VCP: variants seen among roughly 807,000 people sequenced by gnomAD.
VCP encodes valosin containing protein, also known as transitional endoplasmic reticulum ATPase.
In VCP, 6 loss-of-function variants were observed where a neutral mutation model predicts 85.7. That is an observed-to-expected ratio of 0.07 (90% CI 0.04 to 0.14). The LOEUF is 0.14. VCP is among the 10% of genes least tolerant of loss of function. The pLI, the probability that VCP is intolerant of heterozygous loss-of-function variation, is 1.00. For missense variants in VCP, 353 were observed against 1,043.4 expected, an observed-to-expected ratio of 0.34 and a Z score of 9.12; for synonymous variants, 384 against 367.1, an observed-to-expected ratio of 1.05 and a Z score of -0.53.
At position 35,059,808 on chromosome 9, in the gene VCP, G is replaced by A. The variant is rs1554668202; in HGVS notation, c.1696-7C>T. ...AGGGGGCAGCTTGGCGGGCCTGTAG[G>A]AGGAATGGATTGATTCAAGCACTAA... On this transcript the variant is annotated splice_polypyrimidine_tract_variant and splice_region_variant and intron_variant, in intron 13 of 16. Transcript: ENST00000358901. The surrounding 1 kb of genome is among the most constrained non-coding windows in gnomAD (Gnocchi z 4.9). The A allele has an allele frequency of 6.2e-7, 1 of 1,614,108 alleles. No homozygotes were observed. Among genetic ancestry groups the A allele is most frequent in the Middle Eastern group, 1.6e-4 (1 of 6,062 alleles).
intron 5 of VCP, among the ~76,000 whole-genome samples, chr9:35,064,925 T>C (rs893323447): frequency 8.5e-5 from 13 of 152,200 alleles, no homozygotes; most frequent in African/African-American, 2.9e-4. Flanking sequence ...TGGAGTGCAG[T>C]GGCACAATCT....
intron 7 of VCP, among the ~76,000 whole-genome samples, chr9:35,062,673 T>C (rs1246982872): frequency 6.6e-6 from 1 of 152,114 alleles, no homozygotes; most frequent in Non-Finnish European, 1.5e-5. Flanking sequence ...GAGCCAGTGA[T>C]CAAAGTTCAT....
intron 3 of VCP, 23 bp from the exon 4 acceptor site, chr9:35,066,840 A>T: frequency 6.2e-7 from 1 of 1,613,892 alleles, no homozygotes; most frequent in Non-Finnish European, 8.5e-7. Context: ...AGCAGACTCC[A>T]TATTACCAAC....
At position 35,072,459 on chromosome 9, in the gene VCP, C is replaced by T; in HGVS notation, c.-106G>A. ...GGGCTCGGCTCTTCCAGGCGGTGGG[C>T]GAGCAGCGGCGACAAACCCGCAAGC... is the stretch of plus-strand genomic sequence containing the variant. On this transcript the variant is annotated 5_prime_UTR_variant, in exon 1 of 17. Coordinates refer to ENST00000358901, the MANE Select transcript of VCP (RefSeq NM_007126.5). 7.5e-7 allele frequency: 1 copy of T among 1,329,288 alleles called. No individual in the cohort carries two copies. Among genetic ancestry groups the T allele is most frequent in the Non-Finnish European group, 9.7e-7 (1 of 1,031,498 alleles). 82.3% of individuals were successfully genotyped at this position (1,329,288 alleles called of 1,614,324 possible). A position where few individuals can be genotyped will look rare whatever the true frequency, so the allele number is the denominator to read the frequency against.
rs140913250 is a variant in VCP at position 35,068,301 on chromosome 9, T to C, written c.79A>G (p.Ile27Val). 612 of 1,614,196 alleles carry C rather than the reference T, an allele frequency of 3.8e-4. No homozygotes were observed. Among genetic ancestry groups the C allele is most frequent in the African/African-American group, 3.6e-3 (268 of 75,048 alleles). The change falls in exon 2 of 17, where the codon ATT becomes GTT. Residue 27 changes from isoleucine to valine, a missense_variant. Around this residue, in one of 8 missense-constraint regions of VCP, gnomAD observed 69 missense variants for 132.9 expected, o/e 0.52. Transcript: ENST00000358901. ...TCCTCATTGATGGCTTCATCAACAATTAACCGATTGGGACGGTTCTTCTGT... is the reference window on the plus strand; with the variant it reads ...TCCTCATTGATGGCTTCATCAACAACTAACCGATTGGGACGGTTCTTCTGT... Reference protein sequence around the residue: ...LKQKNRPNRLIVDEAINEDNS... With the variant: ...LKQKNRPNRLVVDEAINEDNS...
rs1365481436 is a variant in VCP, at chr9:35,065,504, C to T, written c.446-123G>A. The T allele has an allele frequency of 3.0e-6, 4 of 1,316,182 alleles. No homozygotes were observed. In the East Asian group the frequency reaches 9.9e-5, roughly 33 times the overall value. 81.5% of individuals were successfully genotyped at this position (1,316,182 alleles called of 1,614,324 possible). ...ATAGTGCCCTTCATTAGATATTGCC[C>T]TACCTCTCCCCAACTCCACCCCACC... is the stretch of plus-strand genomic sequence containing the variant. On this transcript the variant is annotated intron_variant, in intron 4 of 16. Coordinates refer to ENST00000358901, the MANE Select transcript of VCP (RefSeq NM_007126.5).
Position 35,056,176 on chromosome 9 carries a change from AAG to A in VCP, c.*939_*940del, listed in dbSNP as rs1828600206. 6.6e-6 allele frequency: 1 copy of A among 152,202 alleles called. No homozygotes were observed. Among genetic ancestry groups the A allele is most frequent in the Non-Finnish European group, 1.5e-5 (1 of 68,032 alleles). The allele number at this position is 152,202 out of a possible 1,614,324, so 9.4% of individuals were successfully genotyped here. A position where few individuals can be genotyped will look rare whatever the true frequency, so the allele number is the denominator to read the frequency against. On this transcript the variant is annotated 3_prime_UTR_variant, in exon 17 of 17. Transcript: ENST00000358901. ...TGTTTGGGATTTTTAGATGCATTAAAAGAGAGTATAGAGAATATCCACCTGCA... is the reference window on the plus strand; with the variant it reads ...TGTTTGGGATTTTTAGATGCATTAAAAGAGTATAGAGAATATCCACCTGCA...
intron 1 of VCP, 36 bp downstream of exon 1, chr9:35,072,301 G>A (rs1232668430): frequency 6.7e-7 from 1 of 1,482,024 alleles, no homozygotes. Context: ...CCCGGTGCGC[G>A]CCGCCGCAGC....
In VCP at chr9:35,068,293, A is replaced by G. The variant is rs1828873065; in HGVS notation, c.87T>C (p.Asp29=). Reference sequence around the variant, plus strand: ...CACTGTTGTCCTCATTGATGGCTTCATCAACAATTAACCGATTGGGACGGT... The same window carrying G: ...CACTGTTGTCCTCATTGATGGCTTCGTCAACAATTAACCGATTGGGACGGT... ...QKNRPNRLIV[D]EAINEDNSVV... Residue 29 remains aspartate (D), a synonymous_variant, in exon 2 of 17, where the codon GAT becomes GAC. Transcript: ENST00000358901. The G allele has an allele frequency of 6.2e-7, 1 of 1,614,130 alleles. No homozygotes were observed. The highest frequency in any genetic ancestry group is 1.3e-5 in the African/African-American group (1 of 74,942).
intron 7 of VCP, 40 bp from the exon 8 acceptor site, chr9:35,062,390 T>A: frequency 3.7e-6 from 6 of 1,613,662 alleles, no homozygotes; most frequent in Non-Finnish European, 5.1e-6. Context: ...AAAATGATAG[T>A]CTTTCCCAAT....
chr9:35,062,191 C>A, intron 8 of VCP, 26 bp downstream of exon 8: 2 of 1,614,150 alleles, frequency 1.2e-6, no homozygotes, highest in Non-Finnish European at 1.7e-6. Flanking sequence ...TTCAACCCCC[C>A]TCTATCCCCT....
chr9:35,065,131 G>T, intron 5 of VCP, 120 bp downstream of exon 5: 2 of 1,447,476 alleles, frequency 1.4e-6, no homozygotes, highest in Non-Finnish European at 1.9e-6. Context: ...GTCTCCCAAA[G>T]TACTGGGATT....
chr9:35,066,587 A>AG (rs1828837351), intron 4 of VCP, 88 bp downstream of exon 4: 1 of 1,510,034 alleles, frequency 6.6e-7, no homozygotes, highest in Non-Finnish European at 8.9e-7. Context: ...AGATTTAAAA[A>AG]AAAAAAAAGA....
chr9:35,070,397 A>C (rs189188937), intron 1 of VCP, among the ~76,000 whole-genome samples: 135 of 152,248 alleles, frequency 8.9e-4, no homozygotes, highest in African/African-American at 3.2e-3. Context: ...TAGAACTGGG[A>C]CTGGAGAAAA....
rs370700002 is a variant in VCP, at chr9:35,065,385, C to T, written c.446-4G>A. ...CCACGGACAAGAAAAATGTCTCCTG[C>T]GAGAGCAAACAGTACAAGCACAGTT... On this transcript the variant is annotated splice_region_variant and splice_polypyrimidine_tract_variant and intron_variant, in intron 4 of 16. Transcript: ENST00000358901. 1.1e-5 allele frequency: 18 copies of T among 1,613,926 alleles called. No individual in the cohort carries two copies. Among genetic ancestry groups the T allele is most frequent in the Admixed American group, 1.7e-5 (1 of 59,992 alleles).
rs957848997 is a variant in VCP, at chr9:35,072,254, C to G, written c.17+83G>C. On this transcript the variant is annotated intron_variant, in intron 1 of 16. Coordinates refer to ENST00000358901, the MANE Select transcript of VCP (RefSeq NM_007126.5). ...GGTCTCCACCTCTCTGACGCGCCCA[C>G]GGCCAGGCCCCGCCGGGCCTACCCT... 2.7e-6 allele frequency: 4 copies of G among 1,473,036 alleles called. No individual in the cohort carries two copies. The African/African-American group carries it at 4.4e-5, about 16-fold the overall frequency. The allele number at this position is 1,473,036 out of a possible 1,614,324, so 91.2% of individuals were successfully genotyped here. A position where few individuals can be genotyped will look rare whatever the true frequency, so the allele number is the denominator to read the frequency against.
chr9:35,070,182 G>C (rs1415806941), intron 1 of VCP, among the ~76,000 whole-genome samples: 3 of 152,156 alleles, frequency 2.0e-5, no homozygotes, highest in Admixed American at 6.5e-5. Flanking sequence ...AGTTTCCTCT[G>C]CTCAAATTTG....
rs1828977589 is a variant in VCP, at chr9:35,072,409, C to G, written c.-56G>C. On this transcript the variant is annotated 5_prime_UTR_variant, in exon 1 of 17. Transcript: ENST00000358901. ...GCGGCCCGCGGGTAACGGCTACGAG[C>G]GGTGGCAAGCGACCGACTGGGCCGG... 1 of 1,456,688 alleles carries G rather than the reference C, an allele frequency of 6.9e-7. No individual in the cohort carries two copies. The highest frequency in any genetic ancestry group is 9.0e-7 in the Non-Finnish European group (1 of 1,110,182). The allele number at this position is 1,456,688 out of a possible 1,614,324, so 90.2% of individuals were successfully genotyped here. A position where few individuals can be genotyped will look rare whatever the true frequency, so the allele number is the denominator to read the frequency against.
In VCP at chr9:35,062,130, G is replaced by C; in HGVS notation, c.954C>G (p.Gly318=). 6.2e-7 allele frequency: 1 copy of C among 1,614,090 alleles called. No homozygotes were observed. The highest frequency in any genetic ancestry group is 8.5e-7 in the Non-Finnish European group (1 of 1,180,026). ...GTGATACAATGCGCCGCTCCACCTC[G>C]CCATGAGTCTGCCAGAACAGGATGT... ...AIAPKREKTH[G]EVERRIVSQL... is the part of the protein sequence containing the mutation. The change falls in exon 9 of 17, where the codon GGC becomes GGG. Residue 318 remains glycine (G), a synonymous_variant. Coordinates refer to ENST00000358901, the MANE Select transcript of VCP (RefSeq NM_007126.5).
Sources: allele counts gnomAD v4.1 joint callset (sites outside exome capture counted in the v4.1 genomes callset), GRCh38; gene constraint gnomAD v4.1.1; regional missense constraint gnomAD v4.1.1; non-coding constraint Gnocchi (gnomAD v3.1); transcripts MANE v1.5; gene names NCBI Gene and HGNC (gene_info 2026-07-23, HGNC 2026-07-21).